The following SYT2 variants were observed in gnomAD, a reference collection of about 807,000 sequenced individuals.
The protein encoded by SYT2 is synaptotagmin-2.
In SYT2, 15 loss-of-function variants were observed where a neutral mutation model predicts 39.9. The ratio of observed to expected loss-of-function variants is 0.38; its 90% confidence interval spans 0.25 to 0.58. The LOEUF (loss-of-function observed/expected upper bound fraction) is 0.58, where lower values mean the gene tolerates loss of function less well. SYT2 is among the 20% of genes least tolerant of loss of function. The pLI is 0.70. For missense variants in SYT2, 389 were observed against 530.3 expected, an observed-to-expected ratio of 0.73 and a Z score of 2.62; for synonymous variants, 181 against 204.5, an observed-to-expected ratio of 0.89 and a Z score of 0.98.
At chr1:202,684,707 T>C (rs991908664) in intron 1 of SYT2, among the ~76,000 whole-genome samples, 1 of 152,130 alleles carries the variant, frequency 6.6e-6, no homozygotes. Context: ...CGTGATGTAT[T>C]TGGTTTCAGT....
At chr1:202,706,501 G>A (rs4418670) in intron 1 of SYT2, among the ~76,000 whole-genome samples, 44,035 of 151,888 alleles carry the variant, frequency 0.29, 6,920 homozygotes, top group Admixed American at 0.4. Flanking sequence ...AACAATCTAC[G>A]TCATAGTTAC....
intron 1 of SYT2, among the ~76,000 whole-genome samples, chr1:202,681,714 T>C (rs1653530774): frequency 6.6e-6 from 1 of 152,082 alleles, no homozygotes; most frequent in Non-Finnish European, 1.5e-5. Context: ...TCCCCAGCCA[T>C]AGACATGTGT....
chr1:202,665,819 T>C (rs1234288070), intron 1 of SYT2, among the ~76,000 whole-genome samples: 3 of 152,352 alleles, frequency 2.0e-5, no homozygotes, highest in Admixed American at 6.5e-5. Flanking sequence ...TTTGTGATCA[T>C]GATTTCTAAT....
rs146164870 is a variant in SYT2, at chr1:202,690,970, G to A, written c.-18+19288C>T. On this transcript the variant is annotated intron_variant, in intron 1 of 8. Coordinates refer to ENST00000367268, the MANE Select transcript of SYT2 (RefSeq NM_177402.5). ...CCAGACTTGACCACGGATACTCCTG[G>A]TATTTGAGGTTTAAGCCTCCAGTTC... Among the ~76,000 whole-genome samples, 42 of 152,202 alleles carry A rather than the reference G, an allele frequency of 2.8e-4. No individual in the cohort carries two copies. The East Asian group carries it at 6.6e-3, about 24-fold the overall frequency.
chr1:202,653,968 G>A (rs1389618913), intron 1 of SYT2, among the ~76,000 whole-genome samples: 2 of 152,194 alleles, frequency 1.3e-5, no homozygotes, highest in Non-Finnish European at 2.9e-5. Context: ...AAGGGTCAAT[G>A]AGAGATGCAA....
chr1:202,683,207 G>A lies in SYT2; in HGVS notation c.-18+27051C>T, dbSNP rs183032609. ...TGACCAAGCAAAACATACATACCCC[G>A]TGACCTAGCTAGAGAAATGTGCTTC... is the stretch of plus-strand genomic sequence containing the variant. On this transcript the variant is annotated intron_variant, in intron 1 of 8. Coordinates refer to ENST00000367268, the MANE Select transcript of SYT2 (RefSeq NM_177402.5). 3.7e-4 allele frequency among the ~76,000 whole-genome samples: 56 copies of A among 152,262 alleles called. No homozygotes were observed. The East Asian group carries it at 8.7e-3, about 24-fold the overall frequency.
chr1:202,695,535 C>T (rs959716236), intron 1 of SYT2, among the ~76,000 whole-genome samples: 1 of 152,158 alleles, frequency 6.6e-6, no homozygotes, highest in African/African-American at 2.4e-5. Flanking sequence ...GACAAGAGAG[C>T]AAAGGTGTAA....
At chr1:202,675,850 T>C (rs1425596940) in intron 1 of SYT2, among the ~76,000 whole-genome samples, 1 of 152,234 alleles carries the variant, frequency 6.6e-6, no homozygotes, top group Non-Finnish European at 1.5e-5. Flanking sequence ...GCTTGAATAG[T>C]AATCATTCCT....
chr1:202,659,641 G>A (rs1035162235), intron 1 of SYT2, among the ~76,000 whole-genome samples: 7 of 152,204 alleles, frequency 4.6e-5, no homozygotes, highest in Admixed American at 4.6e-4. Context: ...ACAGCAGGTG[G>A]TGAGCATCAC....
In SYT2 at chr1:202,614,886, G is replaced by T. The variant is rs1467400266; in HGVS notation, c.-17-9097C>A. On this transcript the variant is annotated intron_variant, in intron 1 of 8. Transcript: ENST00000367268. The surrounding 1 kb of genome is among the most constrained non-coding windows in gnomAD (Gnocchi z 4.0). ...CAGGGCAGGATCAGGAGCACCATAGGCCGCGTCAAGGAGTTTTGTCTTTCC... is the reference window on the plus strand; with the variant it reads ...CAGGGCAGGATCAGGAGCACCATAGTCCGCGTCAAGGAGTTTTGTCTTTCC... 6.6e-6 allele frequency among the ~76,000 whole-genome samples: 1 copy of T among 152,206 alleles called. No homozygotes were observed. The highest frequency in any genetic ancestry group is 1.5e-5 in the Non-Finnish European group (1 of 68,030).
chr1:202,640,059 A>G (rs1209444335), intron 1 of SYT2, among the ~76,000 whole-genome samples: 1 of 152,214 alleles, frequency 6.6e-6, no homozygotes, highest in African/African-American at 2.4e-5. Context: ...GAATTCACAC[A>G]GATATTAAGG....
chr1:202,638,583 T>C (rs1341818280), intron 1 of SYT2, among the ~76,000 whole-genome samples: 1 of 152,184 alleles, frequency 6.6e-6, no homozygotes, highest in Non-Finnish European at 1.5e-5. Context: ...TTATTAGGGA[T>C]CAGGGCTTCC....
chr1:202,707,875 C>G (rs1036954623), intron 1 of SYT2, among the ~76,000 whole-genome samples: 1 of 152,214 alleles, frequency 6.6e-6, no homozygotes, highest in African/African-American at 2.4e-5. Context: ...GAAGAGGCTT[C>G]TCCAGCCACC....
intron 1 of SYT2, among the ~76,000 whole-genome samples, chr1:202,636,074 C>G (rs1305806607): frequency 6.6e-6 from 1 of 152,152 alleles, no homozygotes; most frequent in Non-Finnish European, 1.5e-5. Flanking sequence ...CTCAGTCTGT[C>G]TGGGGCTCAT....
intron 1 of SYT2, among the ~76,000 whole-genome samples, chr1:202,670,750 T>C (rs1692571564): frequency 6.6e-6 from 1 of 152,218 alleles, no homozygotes. Context: ...GGGAGCAGCA[T>C]GAAAGGAAGG....
chr1:202,634,061 G>A (rs573686916), intron 1 of SYT2, among the ~76,000 whole-genome samples: 2 of 152,242 alleles, frequency 1.3e-5, no homozygotes, highest in South Asian at 4.1e-4. Context: ...GAGTCTCCTT[G>A]GACAAATCCC....
rs1182797585 is a variant in SYT2, at chr1:202,628,392, G to C, written c.-17-22603C>G. Among the ~76,000 whole-genome samples, 1 of 152,152 alleles carries C rather than the reference G, an allele frequency of 6.6e-6. No individual in the cohort carries two copies. The highest frequency in any genetic ancestry group is 2.4e-5 in the African/African-American group (1 of 41,434). On this transcript the variant is annotated intron_variant, in intron 1 of 8. Transcript: ENST00000367268. This position sits in a 1 kb window ranked among gnomAD's most constrained non-coding sequence, Gnocchi z 4.2. ...GAGCTGGGAGCCAGCATCCCAGGCA[G>C]GGAGCCAGCCAAAGAAGGTGCAGTC... is the stretch of plus-strand genomic sequence containing the variant.
rs774162502 is a variant in SYT2 at position 202,602,086 on chromosome 1, G to T, written c.634-29C>A. 10 of 1,612,220 alleles carry T rather than the reference G, an allele frequency of 6.2e-6. No homozygotes were observed. The African/African-American group carries it at 6.7e-5, about 11-fold the overall frequency. On this transcript the variant is annotated intron_variant, in intron 5 of 8. Coordinates refer to ENST00000367268, the MANE Select transcript of SYT2 (RefSeq NM_177402.5). The stretch of plus-strand genomic sequence containing the variant: ...CAGGGCACAAGCAGAATCAGAGGGG[G>T]CCAGAGCGACTCACGCACCTCCAGG...
In SYT2 at chr1:202,596,922, C is replaced by T. The variant is rs1415519316; in HGVS notation, c.1095G>A (p.Leu365=). Residue 365 remains leucine, a synonymous_variant, in exon 9 of 9, where the codon CTG becomes CTA. Coordinates refer to ENST00000367268, the MANE Select transcript of SYT2 (RefSeq NM_177402.5). ...VVVTVLDYDK[L]GKNEAIGKIF... ...TCTTGCCTATGGCTTCGTTCTTGCC[C>T]AGCTTGTCATAGTCCAGCACGGTGA... 1 of 1,614,116 alleles carries T rather than the reference C, an allele frequency of 6.2e-7. No homozygotes were observed. Among genetic ancestry groups the T allele is most frequent in the East Asian group, 2.2e-5 (1 of 44,898 alleles).
Sources: allele counts gnomAD v4.1 joint callset (sites outside exome capture counted in the v4.1 genomes callset), GRCh38; gene constraint gnomAD v4.1.1; non-coding constraint Gnocchi (gnomAD v3.1); transcripts MANE v1.5; gene names NCBI Gene and HGNC (gene_info 2026-07-23, HGNC 2026-07-21).